ANKRD12: variants seen among roughly 807,000 people sequenced by gnomAD.
ANKRD12 encodes the protein ankyrin repeat domain 12.
A neutral mutation model predicts 183.4 loss-of-function variants in ANKRD12; 85 were observed. The observed-to-expected ratio is 0.46, with a 90% CI of 0.39 to 0.56. ANKRD12 has a LOEUF of 0.56. Ranked by LOEUF, ANKRD12 falls within the 20% of genes least tolerant of loss-of-function variation. The pLI, the probability that ANKRD12 is intolerant of heterozygous loss-of-function variation, is 0.00. For synonymous variants in ANKRD12, 914 were observed against 800.2 expected (o/e 1.14, Z -2.40); for missense variants, 2,405 against 2,357.1 (o/e 1.02, Z -0.42).
At chr18:9,249,479 AG>A (rs1234252988) in intron 8 of ANKRD12, among the ~76,000 whole-genome samples, 3 of 152,210 alleles carry the variant, frequency 2.0e-5, no homozygotes, top group Non-Finnish European at 4.4e-5. Flanking sequence ...ATTCTAAACC[AG>A]TGATGTTCCC....
At chr18:9,165,699 TTTTA>T (rs1201518215) in intron 1 of ANKRD12, among the ~76,000 whole-genome samples, 5 of 152,042 alleles carry the variant, frequency 3.3e-5, no homozygotes, top group East Asian at 3.8e-4. Context: ...TCCCTCCTTT[TTTTA>T]TTTATTTTTA....
intron 8 of ANKRD12, among the ~76,000 whole-genome samples, chr18:9,243,590 T>C (rs1409887321): frequency 6.6e-6 from 1 of 152,096 alleles, no homozygotes; most frequent in Non-Finnish European, 1.5e-5. Context: ...AACAAAAAGC[T>C]GCAGTGAAAG....
intron 8 of ANKRD12, chr18:9,235,712 CA>C: frequency 2.2e-6 from 1 of 455,796 alleles, no homozygotes; most frequent in South Asian, 1.6e-5. Context: ...ATGCAATCAG[CA>C]AATTCCAGAT....
intron 1 of ANKRD12, among the ~76,000 whole-genome samples, chr18:9,165,224 T>C (rs1343660986): frequency 6.6e-6 from 1 of 152,170 alleles, no homozygotes; most frequent in African/African-American, 2.4e-5. Context: ...CGACTCCTGC[T>C]TTTTTCTGTT....
At position 9,212,655 on chromosome 18, in the gene ANKRD12, A is replaced by G. The variant is rs552112623; in HGVS notation, c.652+871A>G. ...GAAATTGCTAAATCAATGGAGATACATGTTTTAGATTTTTGAAATAATGGA... is the reference window on the plus strand; with the variant it reads ...GAAATTGCTAAATCAATGGAGATACGTGTTTTAGATTTTTGAAATAATGGA... On this transcript the variant is annotated intron_variant, in intron 6 of 12. Transcript: ENST00000262126. Among the ~76,000 whole-genome samples, 4 of 151,866 alleles carry G rather than the reference A, an allele frequency of 2.6e-5. No homozygotes were observed. In the South Asian group the frequency reaches 8.3e-4, roughly 32 times the overall value.
intron 9 of ANKRD12, 76 bp from the exon 10 acceptor site, chr18:9,263,714 G>A (rs1209703543): frequency 2.7e-6 from 3 of 1,123,210 alleles, no homozygotes; most frequent in Non-Finnish European, 3.6e-6. Context: ...GCACTAAAAG[G>A]GTTTAATTTT....
intron 8 of ANKRD12, among the ~76,000 whole-genome samples, chr18:9,231,870 A>T (rs1292304164): frequency 6.6e-6 from 1 of 151,112 alleles, no homozygotes; most frequent in Non-Finnish European, 1.5e-5. Flanking sequence ...TAATTATTAT[A>T]GCTACTCTTG....
intron 10 of ANKRD12, among the ~76,000 whole-genome samples, chr18:9,264,127 GTTA>G (rs1251055400): frequency 6.6e-6 from 1 of 152,100 alleles, no homozygotes; most frequent in Non-Finnish European, 1.5e-5. Flanking sequence ...ATAACTTCTT[GTTA>G]TTTGTTGAAT....
At chr18:9,168,669 A>G (rs2032350598) in intron 1 of ANKRD12, among the ~76,000 whole-genome samples, 1 of 152,138 alleles carries the variant, frequency 6.6e-6, no homozygotes, top group African/African-American at 2.4e-5. Flanking sequence ...TCAGAAAACC[A>G]GCTCCTGGAT....
Position 9,211,787 on chromosome 18 carries a change from A to G in ANKRD12, c.652+3A>G. The G allele has an allele frequency of 6.2e-7, 1 of 1,611,538 alleles. No individual in the cohort carries two copies. The highest frequency in any genetic ancestry group is 8.5e-7 in the Non-Finnish European group (1 of 1,178,238). On this transcript the variant is annotated splice_donor_region_variant and intron_variant, in intron 6 of 12. Transcript: ENST00000262126. ...TGTGAATGTGAAAGATTTTGCAGGTAAGACTAGTAATTCAATACCTACTAT... is the reference window on the plus strand; with the variant it reads ...TGTGAATGTGAAAGATTTTGCAGGTGAGACTAGTAATTCAATACCTACTAT...
In ANKRD12 at chr18:9,259,169, C is replaced by G. The variant is rs181766465; in HGVS notation, c.5664+238C>G. Among the ~76,000 whole-genome samples, 22 of 152,248 alleles carry G rather than the reference C, an allele frequency of 1.4e-4. No individual in the cohort carries two copies. In the East Asian group the frequency reaches 3.7e-3, roughly 25 times the overall value. ...TATGTAGTGACATAGGCTTCAAATA[C>G]AGGTATAACTATAAAGAACAAATTT... On this transcript the variant is annotated intron_variant, in intron 9 of 12. Coordinates refer to ENST00000262126, the MANE Select transcript of ANKRD12 (RefSeq NM_015208.5).
chr18:9,158,002 A>G (rs1423564288), intron 1 of ANKRD12, among the ~76,000 whole-genome samples: 1 of 152,182 alleles, frequency 6.6e-6, no homozygotes, highest in Non-Finnish European at 1.5e-5. Flanking sequence ...AAAGGCTGTG[A>G]GTGACACAAA....
chr18:9,170,224 G>A (rs1048102775), intron 1 of ANKRD12, among the ~76,000 whole-genome samples: 2 of 152,098 alleles, frequency 1.3e-5, no homozygotes, highest in Admixed American at 6.6e-5. Context: ...TATCTTTGTG[G>A]CATTCTCTGT....
rs547542195 is a variant in ANKRD12, at chr18:9,259,201, G to A, written c.5664+270G>A. Among the ~76,000 whole-genome samples the A allele has an allele frequency of 7.9e-5, 12 of 152,220 alleles. No individual in the cohort carries two copies. The East Asian group carries it at 2.3e-3, about 29-fold the overall frequency. On this transcript the variant is annotated intron_variant, in intron 9 of 12. Transcript: ENST00000262126. ...AACTATAAAGAACAAATTTAAATTAGAACTTTATACAAACTATTTCAGTAA... is the reference window on the plus strand; with the variant it reads ...AACTATAAAGAACAAATTTAAATTAAAACTTTATACAAACTATTTCAGTAA...
Position 9,195,613 on chromosome 18 carries a change from G to A in ANKRD12, c.150G>A (p.Lys50=), listed in dbSNP as rs1299569104. 1 of 1,612,686 alleles carries A rather than the reference G, an allele frequency of 6.2e-7. No individual in the cohort carries two copies. The highest frequency in any genetic ancestry group is 1.3e-5 in the African/African-American group (1 of 74,826). The change falls in exon 3 of 13, where the codon AAG becomes AAA. Residue 50 remains lysine (K), a synonymous_variant. Coordinates refer to ENST00000262126, the MANE Select transcript of ANKRD12 (RefSeq NM_015208.5). ...TPKIERSDVS[K]EMKEKSSMKR... ...AAATTGAACGAAGTGATGTGAGCAA[G>A]GAGATGAAAGAGAAATCATCCATGA...
chr18:9,156,049 C>T (rs866615034), intron 1 of ANKRD12, among the ~76,000 whole-genome samples: 4 of 150,038 alleles, frequency 2.7e-5, no homozygotes, highest in African/African-American at 9.8e-5. Flanking sequence ...GCAGGAGAAT[C>T]GCCGCTTGAA....
At chr18:9,191,479 G>GTT (rs531959407) in intron 2 of ANKRD12, among the ~76,000 whole-genome samples, 1 of 149,060 alleles carries the variant, frequency 6.7e-6, no homozygotes, top group Non-Finnish European at 1.5e-5. Context: ...TATCACATAG[G>GTT]TTTTTTTTTT....
At chr18:9,242,629 G>A (rs1472202899) in intron 8 of ANKRD12, among the ~76,000 whole-genome samples, 1 of 152,110 alleles carries the variant, frequency 6.6e-6, no homozygotes, top group East Asian at 1.9e-4. Flanking sequence ...TTTTTGTAGT[G>A]ATACAAGTCT....
chr18:9,280,897 A>G (rs756080942), intron 12 of ANKRD12, 44 bp from the exon 13 acceptor site: 1 of 1,575,770 alleles, frequency 6.3e-7, no homozygotes, highest in Non-Finnish European at 8.6e-7. Flanking sequence ...AAACAAAGCA[A>G]AGTTAACAGA....
Sources: allele counts gnomAD v4.1 joint callset (sites outside exome capture counted in the v4.1 genomes callset), GRCh38; gene constraint gnomAD v4.1.1; transcripts MANE v1.5; gene names NCBI Gene and HGNC (gene_info 2026-07-23, HGNC 2026-07-21).